The following WWOX variants were observed in gnomAD, a reference collection of about 807,000 sequenced individuals.
The protein encoded by WWOX is WW domain containing oxidoreductase.
Under a neutral mutation model 46.2 loss-of-function variants are expected in WWOX, and 69 were observed. The observed-to-expected ratio is 1.49, with a 90% CI of 1.23 to 1.82. WWOX has a LOEUF of 1.82. Among genes scored for constraint, WWOX ranks in the 40% most tolerant of loss-of-function variants. The pLI is 0.00. For synonymous variants in WWOX, 359 were observed against 202.6 expected, an observed-to-expected ratio of 1.77 and a Z score of -6.56; for missense variants, 919 against 542.6, an observed-to-expected ratio of 1.69 and a Z score of -6.89.
chr16:78,808,973 G>A (rs1174366768), intron 8 of WWOX, among the ~76,000 whole-genome samples: 1 of 152,048 alleles, frequency 6.6e-6, no homozygotes, highest in Non-Finnish European at 1.5e-5. Flanking sequence ...ATGTACTTAG[G>A]AGAATTCTCA....
intron 7 of WWOX, among the ~76,000 whole-genome samples, chr16:78,426,601 C>G (rs1037914861): frequency 1.3e-5 from 2 of 152,128 alleles, no homozygotes; most frequent in Non-Finnish European, 2.9e-5. Context: ...CAGGCTTGCT[C>G]CTGTGTGATG....
chr16:78,861,858 T>C (rs531378897), intron 8 of WWOX, among the ~76,000 whole-genome samples: 1 of 152,344 alleles, frequency 6.6e-6, no homozygotes, highest in South Asian at 2.1e-4. Flanking sequence ...TCCAGGCCTC[T>C]AATGTTTTCT....
chr16:78,221,595 A>T (rs1306504882), intron 5 of WWOX, among the ~76,000 whole-genome samples: 1 of 152,222 alleles, frequency 6.6e-6, no homozygotes, highest in African/African-American at 2.4e-5. Flanking sequence ...AAAACAAATC[A>T]CAATATTGAA....
At chr16:78,671,408 G>A (rs186409503) in intron 8 of WWOX, among the ~76,000 whole-genome samples, 1 of 152,218 alleles carries the variant, frequency 6.6e-6, no homozygotes, top group African/African-American at 2.4e-5. Context: ...CTGGGTGATA[G>A]CATGAGACTG....
chr16:78,753,248 C>T (rs1418430866), intron 8 of WWOX, among the ~76,000 whole-genome samples: 4 of 151,618 alleles, frequency 2.6e-5, no homozygotes, highest in African/African-American at 9.7e-5. Flanking sequence ...TGCAGTGAGC[C>T]GAGATTACAC....
At chr16:79,127,401 A>G (rs369567562) in intron 8 of WWOX, among the ~76,000 whole-genome samples, 11 of 152,130 alleles carry the variant, frequency 7.2e-5, no homozygotes, top group Admixed American at 2.0e-4. Flanking sequence ...TTGCTTGACA[A>G]TATATCTTAG....
intron 8 of WWOX, among the ~76,000 whole-genome samples, chr16:78,819,920 ATTTAC>A (rs150917715): frequency 0.055 from 8,309 of 152,234 alleles, 342 homozygotes; most frequent in Non-Finnish European, 0.084. Context: ...TGGACTCATT[ATTTAC>A]TTATTTATGT....
At chr16:78,879,877 C>G (rs907533749) in intron 8 of WWOX, among the ~76,000 whole-genome samples, 1 of 145,846 alleles carries the variant, frequency 6.9e-6, no homozygotes. Context: ...AACTCTGTCT[C>G]AAAAAAAAAA....
chr16:78,370,158 G>A (rs141878878), intron 5 of WWOX, among the ~76,000 whole-genome samples: 1 of 145,560 alleles, frequency 6.9e-6, no homozygotes, highest in African/African-American at 2.5e-5. Context: ...AAAGGGCATG[G>A]ATCTAGATGC....
chr16:78,366,563 C>T (rs559296906), intron 5 of WWOX, among the ~76,000 whole-genome samples: 29 of 152,262 alleles, frequency 1.9e-4, no homozygotes, highest in African/African-American at 7.0e-4. Context: ...CTAACTGTGC[C>T]CTTCAGACAG....
intron 8 of WWOX, among the ~76,000 whole-genome samples, chr16:78,864,261 AC>A (rs1210795253): frequency 1.5e-4 from 22 of 149,714 alleles, no homozygotes; most frequent in African/African-American, 5.3e-4. Flanking sequence ...GCCCTTTTTT[AC>A]TTTACAGATT....
chr16:78,762,476 T>C (rs1165441937), intron 8 of WWOX, among the ~76,000 whole-genome samples: 2 of 152,212 alleles, frequency 1.3e-5, no homozygotes, highest in Non-Finnish European at 2.9e-5. Context: ...GCCTTCCTTA[T>C]GTGCTCAGCC....
chr16:78,481,244 G>A (rs961173433), intron 8 of WWOX, among the ~76,000 whole-genome samples: 4 of 152,246 alleles, frequency 2.6e-5, no homozygotes, highest in East Asian at 3.9e-4. Flanking sequence ...TGATGAAAGC[G>A]TACTTCCATC....
chr16:78,181,011 C>A (rs2035516287), intron 5 of WWOX, among the ~76,000 whole-genome samples: 1 of 152,134 alleles, frequency 6.6e-6, no homozygotes, highest in South Asian at 2.1e-4. Flanking sequence ...GAAAACCCAG[C>A]TTGGGTTGGC....
chr16:78,322,935 A>T (rs1407914229), intron 5 of WWOX, among the ~76,000 whole-genome samples: 2 of 152,330 alleles, frequency 1.3e-5, no homozygotes, highest in East Asian at 1.9e-4. Flanking sequence ...ATTTAAAAAT[A>T]TGAAAACCAT....
intron 5 of WWOX, among the ~76,000 whole-genome samples, chr16:78,191,116 C>T (rs1354646477): frequency 6.6e-6 from 1 of 152,190 alleles, no homozygotes; most frequent in Non-Finnish European, 1.5e-5. Context: ...CAAGATGATG[C>T]CGCTGGACCA....
chr16:78,430,751 G>T (rs1379531488), intron 7 of WWOX, among the ~76,000 whole-genome samples: 1 of 152,122 alleles, frequency 6.6e-6, no homozygotes, highest in African/African-American at 2.4e-5. Flanking sequence ...CTGGCCATCA[G>T]CTTTGTTGAT....
chr16:78,699,913 T>A (rs547964738), intron 8 of WWOX, among the ~76,000 whole-genome samples: 2 of 152,314 alleles, frequency 1.3e-5, no homozygotes, highest in Admixed American at 1.3e-4. Context: ...CCCGTCCCTA[T>A]GAGGGGGACA....
intron 8 of WWOX, among the ~76,000 whole-genome samples, chr16:79,173,602 T>C (rs1172656007): frequency 6.6e-6 from 1 of 152,042 alleles, no homozygotes; most frequent in Non-Finnish European, 1.5e-5. Context: ...AAATAACTAT[T>C]TCCTATCAAA....
Sources: gnomAD v4.1 joint callset for allele counts (sites outside exome capture counted in the v4.1 genomes callset) on GRCh38, gnomAD v4.1.1 for gene constraint, MANE v1.5 for transcripts, NCBI Gene and HGNC (gene_info 2026-07-23, HGNC 2026-07-21) for gene names.